The following PCCA variants were observed in gnomAD, a reference collection of about 807,000 sequenced individuals.
PCCA encodes propionyl-CoA carboxylase alpha chain, mitochondrial.
Under a neutral mutation model 101.3 loss-of-function variants are expected in PCCA, and 74 were observed. The observed-to-expected ratio is 0.73, with a 90% CI of 0.61 to 0.89. The LOEUF is 0.89. Among genes scored for constraint, PCCA ranks in the 40% least tolerant of loss-of-function variants. PCCA has a pLI of 0.00. For missense variants in PCCA, 891 were observed against 907.0 expected (o/e 0.98, Z 0.23); for synonymous variants, 294 against 313.6 (o/e 0.94, Z 0.66).
chr13:100,494,895 C>CT (rs2152984281), intron 21 of PCCA, among the ~76,000 whole-genome samples: 2 of 152,254 alleles, frequency 1.3e-5, no homozygotes, highest in African/African-American at 2.4e-5. Context: ...TATCCCAAGA[C>CT]TTATCTCAAA....
intron 12 of PCCA, among the ~76,000 whole-genome samples, chr13:100,289,084 G>A (rs980639639): frequency 3.3e-5 from 5 of 152,014 alleles, no homozygotes; most frequent in African/African-American, 1.2e-4. Flanking sequence ...TCCTAATAAT[G>A]CATATTTTTA....
Position 100,416,904 on chromosome 13 carries a change from C to T in PCCA, c.1747-8729C>T, listed in dbSNP as rs529444830. Among the ~76,000 whole-genome samples the T allele has an allele frequency of 3.3e-5, 5 of 152,060 alleles. No individual in the cohort carries two copies. The South Asian group carries it at 1.0e-3, about 32-fold the overall frequency. ...TGTTGTCCAGGCTGCAGTGCAATGGCGCGATCTCGGCTCACTGCAACCTCT... is the reference window on the plus strand; with the variant it reads ...TGTTGTCCAGGCTGCAGTGCAATGGTGCGATCTCGGCTCACTGCAACCTCT... On this transcript the variant is annotated intron_variant, in intron 19 of 23. Coordinates refer to ENST00000376285, the MANE Select transcript of PCCA (RefSeq NM_000282.4).
At chr13:100,481,672 C>A (rs2083947967) in intron 21 of PCCA, among the ~76,000 whole-genome samples, 1 of 152,088 alleles carries the variant, frequency 6.6e-6, no homozygotes, top group Non-Finnish European at 1.5e-5. Context: ...AGATGCTGGA[C>A]CCCGAGAGAG....
chr13:100,414,772 A>G (rs1486188822), intron 19 of PCCA, among the ~76,000 whole-genome samples: 10 of 152,220 alleles, frequency 6.6e-5, no homozygotes, highest in Non-Finnish European at 1.0e-4. Flanking sequence ...AATGGGATAT[A>G]CATCATCTAT....
intron 4 of PCCA, among the ~76,000 whole-genome samples, chr13:100,125,481 G>C (rs998757081): frequency 1.3e-5 from 2 of 152,204 alleles, no homozygotes; most frequent in African/African-American, 4.8e-5. Context: ...ATATGGTTTT[G>C]AATCTGGGAG....
intron 6 of PCCA, chr13:100,160,600 T>G (rs1174227889): frequency 1.3e-5 from 2 of 152,166 alleles, no homozygotes; most frequent in Non-Finnish European, 2.9e-5. Context: ...AATAGCAATT[T>G]TCAATAATTT....
chr13:100,494,694 T>G (rs963126372), intron 21 of PCCA, among the ~76,000 whole-genome samples: 8 of 140,494 alleles, frequency 5.7e-5, no homozygotes, highest in Non-Finnish European at 1.1e-4. Flanking sequence ...AAAAAAAAAT[T>G]TTGTAATTCC....
intron 19 of PCCA, among the ~76,000 whole-genome samples, chr13:100,400,489 G>A (rs1218749192): frequency 6.6e-6 from 1 of 152,072 alleles, no homozygotes; most frequent in African/African-American, 2.4e-5. Context: ...TAAAGGAATG[G>A]CTCTTGGGTT....
At chr13:100,258,891 C>T (rs1566811213) in intron 9 of PCCA, among the ~76,000 whole-genome samples, 1 of 150,072 alleles carries the variant, frequency 6.7e-6, no homozygotes, top group Non-Finnish European at 1.5e-5. Context: ...GATAAATAAA[C>T]CATCTCAGAA....
chr13:100,381,467 G>A lies in PCCA; in HGVS notation c.1746+12893G>A, dbSNP rs574906336. Among the ~76,000 whole-genome samples, 5 of 152,242 alleles carry A rather than the reference G, an allele frequency of 3.3e-5. No homozygotes were observed. In the East Asian group the frequency reaches 7.7e-4, roughly 24 times the overall value. ...AATGCTATTGGTGGGAACGTAAAAG[G>A]GTGCAGCTGCTTTGGAAAACAGGAT... On this transcript the variant is annotated intron_variant, in intron 19 of 23. Transcript: ENST00000376285.
At chr13:100,404,832 T>G (rs2077577607) in intron 19 of PCCA, among the ~76,000 whole-genome samples, 2 of 152,218 alleles carry the variant, frequency 1.3e-5, no homozygotes, top group Admixed American at 1.3e-4. Context: ...TAATGTGGCC[T>G]TTATCCATGA....
At chr13:100,169,283 A>G (rs372052951) in intron 6 of PCCA, among the ~76,000 whole-genome samples, 4 of 151,950 alleles carry the variant, frequency 2.6e-5, no homozygotes, top group African/African-American at 9.6e-5. Context: ...CTCTACTAAT[A>G]ATACAAAAAT....
At chr13:100,213,962 T>C (rs745877133) in intron 7 of PCCA, among the ~76,000 whole-genome samples, 25 of 152,230 alleles carry the variant, frequency 1.6e-4, no homozygotes, top group Non-Finnish European at 2.9e-5. Flanking sequence ...TATCCGGTTC[T>C]CCGAGCACCA....
intron 6 of PCCA, among the ~76,000 whole-genome samples, chr13:100,202,491 T>TG (rs952956628): frequency 6.6e-6 from 1 of 151,900 alleles, no homozygotes; most frequent in Non-Finnish European, 1.5e-5. Context: ...TTCCTGTTTT[T>TG]TTTTTTTTCA....
At chr13:100,162,196 T>C (rs2054556735) in intron 6 of PCCA, among the ~76,000 whole-genome samples, 1 of 152,126 alleles carries the variant, frequency 6.6e-6, no homozygotes, top group African/African-American at 2.4e-5. Context: ...ACTTTTTTTA[T>C]ATGAAAAGAA....
At chr13:100,388,376 A>G (rs2076627906) in intron 19 of PCCA, among the ~76,000 whole-genome samples, 1 of 152,096 alleles carries the variant, frequency 6.6e-6, no homozygotes, top group South Asian at 2.1e-4. Flanking sequence ...AGGTGGGAGG[A>G]TCAAGTGAGC....
At chr13:100,261,964 C>T (rs1284767368) in intron 9 of PCCA, among the ~76,000 whole-genome samples, 2 of 152,054 alleles carry the variant, frequency 1.3e-5, no homozygotes, top group Non-Finnish European at 2.9e-5. Flanking sequence ...GGTGACTAGA[C>T]CCTTTACATT....
intron 21 of PCCA, among the ~76,000 whole-genome samples, chr13:100,484,698 G>C (rs1219758717): frequency 6.6e-6 from 1 of 152,188 alleles, no homozygotes; most frequent in Non-Finnish European, 1.5e-5. Flanking sequence ...CTAGAACTCA[G>C]AAGAAACTAA....
rs9585370 is a variant in PCCA at position 100,181,086 on chromosome 13, G to A, written c.468+23746G>A. Among the ~76,000 whole-genome samples, 1,464 of 152,308 alleles carry A rather than the reference G, an allele frequency of 9.6e-3. 26 individuals are homozygous for A. The highest frequency in any genetic ancestry group is 0.034 in the African/African-American group (1,399 of 41,560). On this transcript the variant is annotated intron_variant, in intron 6 of 23. Coordinates refer to ENST00000376285, the MANE Select transcript of PCCA (RefSeq NM_000282.4). ...TGAGAGAGCTTAGTTGCTGCTGGCA[G>A]CCATATTGTGACCATGAGGGTAGCT...
Sources: gnomAD v4.1 joint callset for allele counts (sites outside exome capture counted in the v4.1 genomes callset) on GRCh38, gnomAD v4.1.1 for gene constraint, MANE v1.5 for transcripts, NCBI Gene and HGNC (gene_info 2026-07-23, HGNC 2026-07-21) for gene names.